OSBPL1A: variants seen among roughly 807,000 people sequenced by gnomAD.
OSBPL1A encodes the protein oxysterol-binding protein-related protein 1.
Under a neutral mutation model 137.1 loss-of-function variants are expected in OSBPL1A, and 80 were observed. The observed-to-expected ratio is 0.58, with a 90% CI of 0.49 to 0.70. The LOEUF (loss-of-function observed/expected upper bound fraction) is 0.70. Among genes scored for constraint, OSBPL1A ranks in the 30% least tolerant of loss-of-function variants. The pLI, the probability that OSBPL1A is intolerant of heterozygous loss-of-function variation, is 0.00. For synonymous variants in OSBPL1A, 365 were observed against 389.7 expected, an observed-to-expected ratio of 0.94 and a Z score of 0.75; for missense variants, 970 against 1,129.4, an observed-to-expected ratio of 0.86 and a Z score of 2.02.
intron 27 of OSBPL1A, 38 bp from the exon 28 acceptor site, chr18:24,163,319 T>A (rs1322808103): frequency 1.4e-6 from 2 of 1,451,922 alleles, no homozygotes; most frequent in Non-Finnish European, 9.5e-7. Flanking sequence ...CAGGGGAAAC[T>A]ATGGAAAATC....
At position 24,190,734 on chromosome 18, in the gene OSBPL1A, C is replaced by G. The variant is rs554447777; in HGVS notation, c.1677+5391G>C. On this transcript the variant is annotated intron_variant, in intron 18 of 27. Transcript: ENST00000319481. ...TGCCAGATTTGGCAAAGCTCCAAAC[C>G]TTATCTAGCTCCGCATCTATCTTAG... is the stretch of plus-strand genomic sequence containing the variant. 1.4e-4 allele frequency among the ~76,000 whole-genome samples: 21 copies of G among 152,350 alleles called. 1 individual carries two copies. In the South Asian group the frequency reaches 4.3e-3, roughly 32 times the overall value.
chr18:24,378,555 C>T (rs1177306695), intron 1 of OSBPL1A, among the ~76,000 whole-genome samples: 1 of 152,110 alleles, frequency 6.6e-6, no homozygotes, highest in African/African-American at 2.4e-5. Context: ...ATTTTGAAAC[C>T]ATGCTTATAA....
chr18:24,306,534 G>A (rs929202840), intron 13 of OSBPL1A, among the ~76,000 whole-genome samples: 1 of 152,096 alleles, frequency 6.6e-6, no homozygotes, highest in African/African-American at 2.4e-5. Flanking sequence ...AGACACCTAA[G>A]AGCACATACT....
At chr18:24,293,392 G>A (rs535870992) in intron 14 of OSBPL1A, among the ~76,000 whole-genome samples, 3 of 152,120 alleles carry the variant, frequency 2.0e-5, no homozygotes, top group Non-Finnish European at 4.4e-5. Flanking sequence ...GCCCTGAAAC[G>A]ACTTCCTCTC....
intron 15 of OSBPL1A, among the ~76,000 whole-genome samples, chr18:24,261,973 CAT>C (rs756412084): frequency 1.2e-4 from 18 of 152,220 alleles, no homozygotes; most frequent in Admixed American, 2.0e-4. Flanking sequence ...TTTGCACACT[CAT>C]GTGTATAAGC....
chr18:24,373,914 T>C (rs1210272062), intron 2 of OSBPL1A, among the ~76,000 whole-genome samples: 1 of 151,968 alleles, frequency 6.6e-6, no homozygotes, highest in African/African-American at 2.4e-5. Context: ...GACTGACAGG[T>C]ATAATGAGGT....
chr18:24,204,824 T>G (rs1251553061), intron 17 of OSBPL1A, among the ~76,000 whole-genome samples: 1 of 152,142 alleles, frequency 6.6e-6, no homozygotes, highest in Non-Finnish European at 1.5e-5. Context: ...ATTCCAGGAA[T>G]CTTAATAGTC....
At chr18:24,376,613 G>A (rs573490561) in intron 2 of OSBPL1A, among the ~76,000 whole-genome samples, 127 of 152,368 alleles carry the variant, frequency 8.3e-4, no homozygotes, top group African/African-American at 3.0e-3. Context: ...GATGGGACTG[G>A]GCGCTGTGGA....
intron 5 of OSBPL1A, 127 bp downstream of exon 5, chr18:24,341,420 T>C: frequency 1.5e-6 from 1 of 653,816 alleles, no homozygotes; most frequent in Non-Finnish European, 2.7e-6. Context: ...GACTCCAAGA[T>C]GACATTATCA....
intron 17 of OSBPL1A, 150 bp downstream of exon 17, chr18:24,224,892 G>A: frequency 1.0e-6 from 1 of 972,690 alleles, no homozygotes; most frequent in Non-Finnish European, 1.5e-6. Context: ...AGAGGAAAAA[G>A]TGCTTAAGTT....
intron 4 of OSBPL1A, among the ~76,000 whole-genome samples, chr18:24,347,373 G>A (rs893860738): frequency 6.6e-6 from 1 of 151,780 alleles, no homozygotes; most frequent in Non-Finnish European, 1.5e-5. Context: ...TAGTAGAGAT[G>A]GGGGTTTCAC....
chr18:24,279,115 C>T (rs2089903173), intron 15 of OSBPL1A, among the ~76,000 whole-genome samples: 1 of 152,048 alleles, frequency 6.6e-6, no homozygotes, highest in Non-Finnish European at 1.5e-5. Flanking sequence ...GCAAACACAG[C>T]ATTTAAAAAT....
intron 15 of OSBPL1A, among the ~76,000 whole-genome samples, chr18:24,265,528 A>G (rs1395728423): frequency 6.6e-6 from 1 of 152,158 alleles, no homozygotes; most frequent in Non-Finnish European, 1.5e-5. Context: ...AATTATGCTC[A>G]CAAATCATTT....
At chr18:24,188,488 A>G (rs878974529) in intron 18 of OSBPL1A, among the ~76,000 whole-genome samples, 1 of 152,254 alleles carries the variant, frequency 6.6e-6, no homozygotes, top group Non-Finnish European at 1.5e-5. Flanking sequence ...AGCTGCTAAA[A>G]TTCTACAAGC....
intron 18 of OSBPL1A, among the ~76,000 whole-genome samples, chr18:24,188,513 T>C (rs556495630): frequency 2.0e-5 from 3 of 152,342 alleles, no homozygotes; most frequent in African/African-American, 7.2e-5. Context: ...TTTAATAAAA[T>C]GTTGTAATCT....
At chr18:24,186,291 CACAA>C (rs1255880236) in intron 18 of OSBPL1A, among the ~76,000 whole-genome samples, 12 of 152,012 alleles carry the variant, frequency 7.9e-5, no homozygotes, top group African/African-American at 2.4e-4. Context: ...TGGTACTAGA[CACAA>C]ACAATGTTAC....
chr18:24,263,406 T>C (rs2089488313), intron 15 of OSBPL1A, among the ~76,000 whole-genome samples: 1 of 152,214 alleles, frequency 6.6e-6, no homozygotes, highest in Non-Finnish European at 1.5e-5. Context: ...GTAAATCATA[T>C]GTATATTTTA....
At position 24,318,798 on chromosome 18, in the gene OSBPL1A, G is replaced by A. The variant is rs755434636; in HGVS notation, c.637C>T (p.Leu213Phe). Reference protein sequence around the residue: ...NLKNKNDQKPLDLAQGAEMKH... With the variant: ...NLKNKNDQKPFDLAQGAEMKH... ...ATTTCAGCACCCTGGGCAAGGTCAA[G>A]AGGTTTCTGATCTGTGCAAAATACA... is the stretch of plus-strand genomic sequence containing the variant. Residue 213 changes from leucine to phenylalanine, a missense_variant, in exon 8 of 28, where the codon CTT becomes TTT. Physicochemically the swap from Leu to Phe is conservative, Grantham distance 22. This residue lies in a region of OSBPL1A where 647 missense variants were observed against 672.6 expected (regional missense o/e 0.96). Transcript: ENST00000319481. 6.2e-7 allele frequency: 1 copy of A among 1,613,536 alleles called. No individual in the cohort carries two copies. Among genetic ancestry groups the A allele is most frequent in the South Asian group, 1.1e-5 (1 of 91,048 alleles).
chr18:24,380,795 C>G (rs1906520550), intron 1 of OSBPL1A, among the ~76,000 whole-genome samples: 1 of 151,638 alleles, frequency 6.6e-6, no homozygotes, highest in African/African-American at 2.4e-5. Flanking sequence ...CTACTAAATG[C>G]AAAAAAATTA....
Sources: gnomAD v4.1 joint callset for allele counts (sites outside exome capture counted in the v4.1 genomes callset) on GRCh38, gnomAD v4.1.1 for gene constraint, gnomAD v4.1.1 regional missense constraint, MANE v1.5 for transcripts, NCBI Gene and HGNC (gene_info 2026-07-23, HGNC 2026-07-21) for gene names.